Variants in ALPK2 observed in about 807,000 individuals in gnomAD.
The protein encoded by ALPK2 is alpha kinase 2.
Under a neutral mutation model 163.1 loss-of-function variants are expected in ALPK2, and 127 were observed. That is an observed-to-expected ratio of 0.78 (90% CI 0.67 to 0.90). The LOEUF (loss-of-function observed/expected upper bound fraction) is 0.90, where lower values mean the gene tolerates loss of function less well. Ranked by LOEUF, ALPK2 falls within the 40% of genes least tolerant of loss-of-function variation. The probability of loss-of-function intolerance (pLI) is 0.00; values close to 1 mark genes in which losing one functional copy is unlikely to be tolerated. For synonymous variants in ALPK2, 953 were observed against 959.1 expected (o/e 0.99, Z 0.12); for missense variants, 2,360 against 2,589.6 (o/e 0.91, Z 1.92).
intron 8 of ALPK2, among the ~76,000 whole-genome samples, chr18:58,520,634 A>G (rs906472392): frequency 6.6e-6 from 1 of 152,152 alleles, no homozygotes; most frequent in African/African-American, 2.4e-5. Context: ...CGAGGTGCAG[A>G]AAAGCAATCT....
At chr18:58,491,265 C>T (rs190262244) in intron 12 of ALPK2, among the ~76,000 whole-genome samples, 1 of 152,356 alleles carries the variant, frequency 6.6e-6, no homozygotes, top group African/African-American at 2.4e-5. Context: ...TATAGTTTGA[C>T]TTTGAAACAA....
rs796675376 is a variant in ALPK2 at position 58,564,559 on chromosome 18, GT to G, written c.1962+14254del. Among the ~76,000 whole-genome samples, 1,196 of 144,650 alleles carry G rather than the reference GT, an allele frequency of 8.3e-3. 12 individuals carry two copies. The highest frequency in any genetic ancestry group is 0.025 in the African/African-American group (1,005 of 39,926). The allele number at this position is 144,650 out of a possible 152,430, so 94.9% of individuals were successfully genotyped here. A position where few individuals can be genotyped will look rare whatever the true frequency, so the allele number is the denominator to read the frequency against. On this transcript the variant is annotated intron_variant, in intron 4 of 12. Transcript: ENST00000361673. The stretch of plus-strand genomic sequence containing the variant: ...TTGTGCAAAATTCTTACATCATCAG[GT>G]TTTTTTTTTTTCCTTTTTGCTTAGA...
At chr18:58,509,582 G>A (rs1229970215) in intron 10 of ALPK2, among the ~76,000 whole-genome samples, 1 of 151,768 alleles carries the variant, frequency 6.6e-6, no homozygotes, top group Non-Finnish European at 1.5e-5. Flanking sequence ...CATTCTAACT[G>A]GTGTGAGATG....
chr18:58,538,250 T>C, intron 4 of ALPK2, 26 bp from the exon 5 acceptor site: 2 of 1,585,830 alleles, frequency 1.3e-6, no homozygotes, highest in Non-Finnish European at 1.7e-6. Context: ...GTGATATTAG[T>C]AGAATTGTTC....
chr18:58,592,079 C>A (rs1475008074), intron 3 of ALPK2, among the ~76,000 whole-genome samples: 1 of 152,158 alleles, frequency 6.6e-6, no homozygotes, highest in Non-Finnish European at 1.5e-5. Flanking sequence ...TACCACAGAC[C>A]GGGGATGAGG....
chr18:58,553,398 A>G (rs981142156), intron 4 of ALPK2, among the ~76,000 whole-genome samples: 1 of 152,172 alleles, frequency 6.6e-6, no homozygotes, highest in African/African-American at 2.4e-5. Flanking sequence ...TCAGGACTCC[A>G]GCTCAGGGAA....
chr18:58,532,167 G>T (rs2051619339), intron 5 of ALPK2, among the ~76,000 whole-genome samples: 1 of 152,134 alleles, frequency 6.6e-6, no homozygotes, highest in Non-Finnish European at 1.5e-5. Context: ...ATAAATGGAT[G>T]AATATGTTGG....
chr18:58,603,314 T>A (rs1377473089), intron 3 of ALPK2, among the ~76,000 whole-genome samples: 1 of 152,216 alleles, frequency 6.6e-6, no homozygotes, highest in East Asian at 1.9e-4. Flanking sequence ...CAGGCAGACA[T>A]GGATTTGGGG....
At chr18:58,529,059 C>A in intron 6 of ALPK2, 32 bp downstream of exon 6, 2 of 1,613,680 alleles carry the variant, frequency 1.2e-6, no homozygotes, top group Non-Finnish European at 1.7e-6. Flanking sequence ...CAAGCAACAA[C>A]TGTGAAAAGT....
chr18:58,506,086 C>T (rs2051460444), intron 10 of ALPK2, among the ~76,000 whole-genome samples: 1 of 152,172 alleles, frequency 6.6e-6, no homozygotes, highest in African/African-American at 2.4e-5. Flanking sequence ...TTTATGTCCC[C>T]AGTCCAGCCC....
chr18:58,618,413 A>T (rs2052181220), intron 1 of ALPK2, among the ~76,000 whole-genome samples: 1 of 152,164 alleles, frequency 6.6e-6, no homozygotes, highest in South Asian at 2.1e-4. Flanking sequence ...GAGTGATGTG[A>T]TGATGTGGGG....
At position 58,579,312 on chromosome 18, in the gene ALPK2, A is replaced by G. The variant is rs1226166776; in HGVS notation, c.1464T>C (p.Asp488=). Residue 488 remains aspartate (D), a synonymous_variant, in exon 4 of 13, where the codon GAT becomes GAC. Transcript: ENST00000361673. ...EFASDNLLNM[D]ESVRETEMKL... is the part of the protein sequence containing the mutation. ...TCATCTCTGTCTCTCTTACTGATTCATCCATGTTGAGCAGATTGTCACTGG... is the reference window on the plus strand; with the variant it reads ...TCATCTCTGTCTCTCTTACTGATTCGTCCATGTTGAGCAGATTGTCACTGG... 8 of 1,614,078 alleles carry G rather than the reference A, an allele frequency of 5.0e-6. No homozygotes were observed. Among genetic ancestry groups the G allele is most frequent in the Non-Finnish European group, 6.8e-6 (8 of 1,180,010 alleles).
intron 1 of ALPK2, among the ~76,000 whole-genome samples, chr18:58,620,883 C>T (rs1251655616): frequency 2.6e-5 from 4 of 152,132 alleles, no homozygotes; most frequent in Non-Finnish European, 5.9e-5. Context: ...AGGCCCGGCA[C>T]GGTGGCTCCC....
Position 58,619,432 on chromosome 18 carries a change from C to T in ALPK2, c.-20-7615G>A, listed in dbSNP as rs117972450. Among the ~76,000 whole-genome samples, 6 of 152,242 alleles carry T rather than the reference C, an allele frequency of 3.9e-5. No homozygotes were observed. In the East Asian group the frequency reaches 7.7e-4, roughly 20 times the overall value. ...TGAGGATGTGGAAAAGAACAAGAAC[C>T]CTCATTCATTGCTGGTGAGAATGTA... is the stretch of plus-strand genomic sequence containing the variant. On this transcript the variant is annotated intron_variant, in intron 1 of 12. Coordinates refer to ENST00000361673, the MANE Select transcript of ALPK2 (RefSeq NM_052947.4).
chr18:58,536,996 G>A lies in ALPK2; in HGVS notation c.3191C>T (p.Ala1064Val), dbSNP rs1274100693. ...TAGCTCTTTTGTAGATTTGATGGTA[G>A]CACCACTTAAAATATGATCCAACTG... The part of the protein sequence containing the change: ...QVQLDHILSG[A>V]TIKSTKELLC... Residue 1064 changes from alanine (A) to valine (V), a missense_variant, in exon 5 of 13, where the codon GCT becomes GTT. Physicochemically the swap from Ala to Val is moderately conservative, Grantham distance 64. Transcript: ENST00000361673. The A allele has an allele frequency of 6.2e-7, 1 of 1,614,172 alleles. No homozygotes were observed. The highest frequency in any genetic ancestry group is 1.7e-5 in the Admixed American group (1 of 60,030).
chr18:58,588,775 T>C (rs910283303), intron 3 of ALPK2, among the ~76,000 whole-genome samples: 1 of 152,250 alleles, frequency 6.6e-6, no homozygotes, highest in Non-Finnish European at 1.5e-5. Flanking sequence ...TTGTTCCTTT[T>C]TATGGCTGTG....
chr18:58,528,885 C>A, intron 6 of ALPK2: 1 of 617,350 alleles, frequency 1.6e-6, no homozygotes, highest in East Asian at 3.2e-5. Flanking sequence ...TCAATTCTGG[C>A]AAAACCTGGG....
intron 6 of ALPK2, among the ~76,000 whole-genome samples, chr18:58,526,608 G>A (rs2051586359): frequency 6.6e-6 from 1 of 152,170 alleles, no homozygotes; most frequent in South Asian, 2.1e-4. Flanking sequence ...TTACCAAGAA[G>A]GTACTGATGG....
chr18:58,517,204 G>A, intron 8 of ALPK2, 22 bp from the exon 9 acceptor site: 1 of 1,606,880 alleles, frequency 6.2e-7, no homozygotes, highest in Non-Finnish European at 8.5e-7. Context: ...CACAGCTTTG[G>A]TTGGAAAGAA....
Sources: gnomAD v4.1 joint callset for allele counts (sites outside exome capture counted in the v4.1 genomes callset) on GRCh38, gnomAD v4.1.1 for gene constraint, MANE v1.5 for transcripts, NCBI Gene and HGNC (gene_info 2026-07-23, HGNC 2026-07-21) for gene names.